Variants in SLC26A4 observed in about 807,000 individuals in gnomAD.
SLC26A4 encodes pendrin.
Under a neutral mutation model 90.4 loss-of-function variants are expected in SLC26A4, and 93 were observed. That is an observed-to-expected ratio of 1.03 (90% CI 0.87 to 1.22). SLC26A4 has a LOEUF of 1.22. Ranked by LOEUF, SLC26A4 falls within the 50% of genes most tolerant of loss-of-function variation. The pLI, the probability that SLC26A4 is intolerant of heterozygous loss-of-function variation, is 0.00. For missense variants in SLC26A4, 1,127 were observed against 946.2 expected, an observed-to-expected ratio of 1.19 and a Z score of -2.51; for synonymous variants, 393 against 354.6, an observed-to-expected ratio of 1.11 and a Z score of -1.22.
rs547402624 is a variant in SLC26A4, at chr7:107,717,071, A to G, written c.*1625A>G. ...AACAAATCATCTCGCTAAAGAGTGAATGTAGGCCAGGCGCGGTGGCTCATG... is the reference window on the plus strand; with the variant it reads ...AACAAATCATCTCGCTAAAGAGTGAGTGTAGGCCAGGCGCGGTGGCTCATG... On this transcript the variant is annotated 3_prime_UTR_variant, in exon 21 of 21. Coordinates refer to ENST00000644269, the MANE Select transcript of SLC26A4 (RefSeq NM_000441.2). The G allele has an allele frequency of 2.0e-5, 3 of 152,334 alleles. No homozygotes were observed. Among genetic ancestry groups the G allele is most frequent in the East Asian group, 3.9e-4 (2 of 5,178 alleles). 9.4% of individuals were successfully genotyped at this position (152,334 alleles called of 1,614,324 possible). A position where few individuals can be genotyped will look rare whatever the true frequency, so the allele number is the denominator to read the frequency against.
chr7:107,696,903 G>T lies in SLC26A4; in HGVS notation c.1544+864G>T, dbSNP rs1302686190. On this transcript the variant is annotated intron_variant, in intron 13 of 20. Transcript: ENST00000644269. ...TGCCTGTGCTTGGGCCGTGAAAGAA[G>T]AAGACACCTGGAAAAACATCAAGAT... Among the ~76,000 whole-genome samples, 6 of 152,156 alleles carry T rather than the reference G, an allele frequency of 3.9e-5. No individual in the cohort carries two copies. In the East Asian group the frequency reaches 1.2e-3, roughly 29 times the overall value.
At position 107,706,276 on chromosome 7, in the gene SLC26A4, G is replaced by A. The variant is rs1237362608; in HGVS notation, c.2089+1891G>A. Among the ~76,000 whole-genome samples, 3 of 152,202 alleles carry A rather than the reference G, an allele frequency of 2.0e-5. No homozygotes were observed. In the East Asian group the frequency reaches 5.8e-4, roughly 29 times the overall value. The stretch of plus-strand genomic sequence containing the variant: ...GTACAGCAAGAATAACTACATAGGT[G>A]ACTCCTTTCAAATTTGCTTTGCCAA... On this transcript the variant is annotated intron_variant, in intron 18 of 20. Coordinates refer to ENST00000644269, the MANE Select transcript of SLC26A4 (RefSeq NM_000441.2).
chr7:107,692,879 T>C (rs141891255), intron 10 of SLC26A4: 1 of 152,198 alleles, frequency 6.6e-6, no homozygotes, highest in African/African-American at 2.4e-5. Context: ...AATTTTAATA[T>C]AGTGGCCAAA....
chr7:107,683,081 C>A, intron 6 of SLC26A4, 121 bp from the exon 7 acceptor site: 1 of 750,994 alleles, frequency 1.3e-6, no homozygotes, highest in Non-Finnish European at 2.2e-6. Context: ...TTGTTTGATG[C>A]TGATATCATG....
At chr7:107,674,793 T>C in intron 5 of SLC26A4, 152 bp from the exon 6 acceptor site, 1 of 718,870 alleles carries the variant, frequency 1.4e-6, no homozygotes, top group South Asian at 1.7e-5. Flanking sequence ...TGATAGGGTA[T>C]TAAGAAATTC....
Position 107,661,656 on chromosome 7 carries a change from C to T in SLC26A4, c.15C>T (p.Gly5=), listed in dbSNP as rs7811324. Residue 5 remains glycine (G), a synonymous_variant, in exon 2 of 21, where the codon GGC becomes GGT. Coordinates refer to ENST00000644269, the MANE Select transcript of SLC26A4 (RefSeq NM_000441.2). The surrounding 1 kb of genome is among the most constrained non-coding windows in gnomAD (Gnocchi z 5.1). ...GCTCGCAGGTCATGGCAGCGCCAGG[C>T]GGCAGGTCGGAGCCGCCGCAGCTCC... MAAP[G]GRSEPPQLPE... 5 of 1,567,022 alleles carry T rather than the reference C, an allele frequency of 3.2e-6. No individual in the cohort carries two copies. The Admixed American group carries it at 5.5e-5, about 17-fold the overall frequency.
intron 18 of SLC26A4, among the ~76,000 whole-genome samples, chr7:107,708,083 C>T (rs1473043162): frequency 2.0e-5 from 3 of 152,190 alleles, no homozygotes; most frequent in African/African-American, 7.2e-5. Flanking sequence ...TAAGAGTAAA[C>T]CAATCCTCTG....
In SLC26A4 at chr7:107,704,390, A is replaced by G; in HGVS notation, c.2089+5A>G. On this transcript the variant is annotated splice_donor_5th_base_variant and intron_variant, in intron 18 of 20. Coordinates refer to ENST00000644269, the MANE Select transcript of SLC26A4 (RefSeq NM_000441.2). ...TGTATTTTGCATCACTTCAAGGTAA[A>G]TACATATATCTACATATCTACCTGT... 3.3e-6 allele frequency: 4 copies of G among 1,215,304 alleles called. No homozygotes were observed. Among genetic ancestry groups the G allele is most frequent in the Non-Finnish European group, 4.9e-6 (4 of 821,330 alleles). The allele number at this position is 1,215,304 out of a possible 1,614,324, so 75.3% of individuals were successfully genotyped here.
At chr7:107,693,538 C>G (rs988120537) in intron 10 of SLC26A4, 8 of 985,044 alleles carry the variant, frequency 8.1e-6, no homozygotes, top group African/African-American at 1.8e-5. Context: ...GTCTCCTTTT[C>G]TTCTTTGTTT....
At chr7:107,694,745 G>T in intron 12 of SLC26A4, 29 bp downstream of exon 12, 1 of 1,473,196 alleles carries the variant, frequency 6.8e-7, no homozygotes, top group South Asian at 1.1e-5. Flanking sequence ...ATATTTATCT[G>T]AAATAAGATT....
chr7:107,706,138 A>G (rs1224087058), intron 18 of SLC26A4, among the ~76,000 whole-genome samples: 1 of 152,200 alleles, frequency 6.6e-6, no homozygotes, highest in Non-Finnish European at 1.5e-5. Flanking sequence ...CTTTTGAACC[A>G]TATGTTTTTC....
chr7:107,700,177 T>A lies in SLC26A4; in HGVS notation c.1707+2T>A. 6.9e-7 allele frequency: 1 copy of A among 1,447,448 alleles called. No homozygotes were observed. Among genetic ancestry groups the A allele is most frequent in the Non-Finnish European group, 9.7e-7 (1 of 1,028,090 alleles). The allele number at this position is 1,447,448 out of a possible 1,614,324, so 89.7% of individuals were successfully genotyped here. On this transcript the variant is annotated splice_donor_variant, in intron 15 of 20. Transcript: ENST00000644269. LOFTEE classifies it high-confidence loss of function. ...TTTAAAAAATGTATCAAGTCCACAG[T>A]AAGTATTTTATCCCTAGAAATTTGT...
At chr7:107,678,779 G>A (rs763028400) in intron 6 of SLC26A4, among the ~76,000 whole-genome samples, 4 of 151,794 alleles carry the variant, frequency 2.6e-5, no homozygotes, top group Non-Finnish European at 5.9e-5. Context: ...GATTGCATAG[G>A]GTTAAATGAG....
chr7:107,663,908 C>T (rs1254940459), intron 3 of SLC26A4, among the ~76,000 whole-genome samples: 6 of 152,108 alleles, frequency 3.9e-5, no homozygotes, highest in Non-Finnish European at 8.8e-5. Context: ...TGGTATCGAC[C>T]TCCTGACCTC....
intron 4 of SLC26A4, 122 bp from the exon 5 acceptor site, chr7:107,674,042 G>C (rs982124710): frequency 9.5e-7 from 1 of 1,057,928 alleles, no homozygotes. Flanking sequence ...AGCTTCTTTC[G>C]TGAACAAACA....
chr7:107,694,043 G>T (rs1229989440), intron 10 of SLC26A4, among the ~76,000 whole-genome samples: 1 of 152,170 alleles, frequency 6.6e-6, no homozygotes, highest in Non-Finnish European at 1.5e-5. Flanking sequence ...TTGGGAAAGG[G>T]GGGATTGGTC....
At chr7:107,690,336 C>A in intron 10 of SLC26A4, 99 bp downstream of exon 10, 1 of 781,614 alleles carries the variant, frequency 1.3e-6, no homozygotes, top group Non-Finnish European at 2.3e-6. Flanking sequence ...ATTTGCCTTT[C>A]AGACTTGTAC....
At position 107,661,790 on chromosome 7, in the gene SLC26A4, T is replaced by C. The variant is rs1554352291; in HGVS notation, c.149T>C (p.Leu50Pro). The C allele has an allele frequency of 1.3e-6, 2 of 1,538,490 alleles. No homozygotes were observed. The highest frequency in any genetic ancestry group is 2.4e-5 in the South Asian group (2 of 84,012). The change falls in exon 2 of 21, where the codon CTG becomes CCG. Residue 50 changes from leucine (L) to proline (P), a missense_variant. Leu to Pro is a moderately conservative substitution (Grantham distance 98, BLOSUM62 -3). Coordinates refer to ENST00000644269, the MANE Select transcript of SLC26A4 (RefSeq NM_000441.2). The surrounding 1 kb of genome is among the most constrained non-coding windows in gnomAD (Gnocchi z 5.1). ...LQERKTLRES[L>P]AKCCSCSRKR... ...GAGCGCAAGACGCTGCGGGAGAGCCTGGCCAAGTGCTGCAGGTAGCGGCCG... is the reference window on the plus strand; with the variant it reads ...GAGCGCAAGACGCTGCGGGAGAGCCCGGCCAAGTGCTGCAGGTAGCGGCCG...
intron 9 of SLC26A4, 121 bp from the exon 10 acceptor site, chr7:107,690,003 T>C (rs1175536219): frequency 1.8e-5 from 14 of 757,692 alleles, no homozygotes; most frequent in Admixed American, 8.9e-5. Context: ...AAAAATTAAA[T>C]TGGACCACCA....
Sources: gnomAD v4.1 joint callset for allele counts (sites outside exome capture counted in the v4.1 genomes callset) on GRCh38, gnomAD v4.1.1 for gene constraint, Gnocchi (gnomAD v3.1) non-coding constraint, MANE v1.5 for transcripts, NCBI Gene and HGNC (gene_info 2026-07-23, HGNC 2026-07-21) for gene names.